HMOX2: variants seen among roughly 807,000 people sequenced by gnomAD.
HMOX2 encodes the protein heme oxygenase (decycling) 2.
HMOX2 carries 30 observed loss-of-function variants against 33.7 expected under a neutral mutation model. The ratio of observed to expected loss-of-function variants is 0.89; its 90% confidence interval spans 0.67 to 1.21. The LOEUF (loss-of-function observed/expected upper bound fraction) is 1.21. Among genes scored for constraint, HMOX2 ranks in the 50% most tolerant of loss-of-function variants. The pLI is 0.00. For missense variants in HMOX2, 403 were observed against 399.1 expected (o/e 1.01, Z -0.08); for synonymous variants, 155 against 155.0 (o/e 1.00, Z 0.00).
At chr16:4,482,550 A>G (rs533869205) in intron 1 of HMOX2, among the ~76,000 whole-genome samples, 1 of 152,164 alleles carries the variant, frequency 6.6e-6, no homozygotes, top group Non-Finnish European at 1.5e-5. Flanking sequence ...CAGTCCCACA[A>G]AACTGTCCCA....
intron 1 of HMOX2, among the ~76,000 whole-genome samples, chr16:4,491,715 C>T (rs1404911567): frequency 6.6e-6 from 1 of 151,716 alleles, no homozygotes; most frequent in South Asian, 2.1e-4. Flanking sequence ...TGTTTATTTT[C>T]TTTCTTTTTT....
upstream of HMOX2, among the ~76,000 whole-genome samples, chr16:4,475,640 G>A (rs149882911): frequency 8.4e-4 from 128 of 151,844 alleles, 1 homozygote; most frequent in African/African-American, 3.1e-3. Context: ...TTTGTGTTCA[G>A]TAAAACTAAA....
chr16:4,491,086 A>C (rs1317046771), intron 1 of HMOX2, among the ~76,000 whole-genome samples: 1 of 152,224 alleles, frequency 6.6e-6, no homozygotes, highest in Non-Finnish European at 1.5e-5. Flanking sequence ...CTTGGGGGAC[A>C]AGTTGGCCCC....
intron 1 of HMOX2, among the ~76,000 whole-genome samples, chr16:4,483,129 A>G (rs1216188436): frequency 6.7e-6 from 1 of 150,348 alleles, no homozygotes; most frequent in Non-Finnish European, 1.5e-5. Flanking sequence ...ACTTTCGTGT[A>G]TTCAGCTATC....
chr16:4,506,101 C>T lies in HMOX2; in HGVS notation c.86+491C>T, dbSNP rs377057077. Reference sequence around the variant, plus strand: ...TTTTTTTTATCCCTTGAAATAATTGCTAATAATAAATTGATTCTCAGCACA... The same window carrying T: ...TTTTTTTTATCCCTTGAAATAATTGTTAATAATAAATTGATTCTCAGCACA... On this transcript the variant is annotated intron_variant, in intron 2 of 5. Transcript: ENST00000570646. Among the ~76,000 whole-genome samples the T allele has an allele frequency of 2.0e-5, 3 of 152,022 alleles. No homozygotes were observed. The East Asian group carries it at 5.8e-4, about 29-fold the overall frequency.
chr16:4,492,439 G>A (rs1416583097), intron 1 of HMOX2, among the ~76,000 whole-genome samples: 1 of 152,152 alleles, frequency 6.6e-6, no homozygotes, highest in Admixed American at 6.5e-5. Flanking sequence ...CTAGATACAG[G>A]CTGGGTGTGG....
chr16:4,478,285 G>C (rs1446437024), intron 1 of HMOX2, among the ~76,000 whole-genome samples: 2 of 152,164 alleles, frequency 1.3e-5, no homozygotes, highest in African/African-American at 4.8e-5. Flanking sequence ...ACCGCCTTTA[G>C]CTCACCCCTC....
intron 1 of HMOX2, among the ~76,000 whole-genome samples, chr16:4,490,814 C>T (rs879371216): frequency 1.3e-5 from 2 of 152,200 alleles, no homozygotes; most frequent in Non-Finnish European, 2.9e-5. Flanking sequence ...GGGTATTAGA[C>T]TCATGTCCTC....
intron 4 of HMOX2, among the ~76,000 whole-genome samples, chr16:4,509,142 C>T (rs1304779633): frequency 6.6e-6 from 1 of 152,142 alleles, no homozygotes; most frequent in African/African-American, 2.4e-5. Flanking sequence ...TACTTGACCC[C>T]AGGAGTTGAA....
chr16:4,499,724 T>C (rs1307553026), intron 1 of HMOX2, among the ~76,000 whole-genome samples: 1 of 152,220 alleles, frequency 6.6e-6, no homozygotes, highest in Non-Finnish European at 1.5e-5. Context: ...GATATGTTAA[T>C]AACCCTGATT....
chr16:4,487,223 A>G (rs2058190825), intron 1 of HMOX2, among the ~76,000 whole-genome samples: 1 of 151,920 alleles, frequency 6.6e-6, no homozygotes, highest in African/African-American at 2.4e-5. Flanking sequence ...GACCCAGTGC[A>G]CTTCAGCTTG....
At chr16:4,489,542 C>T (rs561375596) in intron 1 of HMOX2, among the ~76,000 whole-genome samples, 22 of 152,270 alleles carry the variant, frequency 1.4e-4, no homozygotes, top group African/African-American at 5.1e-4. Context: ...TCACTGCAGC[C>T]GCCACCCCCA....
In HMOX2 at chr16:4,508,130, G is replaced by T. The variant is rs751785391; in HGVS notation, c.622G>T (p.Ala208Ser). 3.1e-6 allele frequency: 5 copies of T among 1,614,026 alleles called. No homozygotes were observed. Among genetic ancestry groups the T allele is most frequent in the Non-Finnish European group, 4.2e-6 (5 of 1,179,956 alleles). The stretch of plus-strand genomic sequence containing the variant: ...GCAGCTCTACCGGGCCAGGATGAAC[G>T]CCCTGGACCTGAACATGAAGACCAA... ...FKQLYRARMN[A>S]LDLNMKTKER... The change falls in exon 4 of 6, where the codon GCC becomes TCC. Residue 208 changes from alanine (A) to serine (S), a missense_variant. Transcript: ENST00000570646.
chr16:4,493,043 T>G (rs2058340970), intron 1 of HMOX2, among the ~76,000 whole-genome samples: 1 of 152,178 alleles, frequency 6.6e-6, no homozygotes, highest in Non-Finnish European at 1.5e-5. Context: ...TCCTCTTTTT[T>G]TGAGACAGAG....
At chr16:4,481,654 C>A (rs1457683690) in intron 1 of HMOX2, 2 of 152,160 alleles carry the variant, frequency 1.3e-5, no homozygotes, top group Non-Finnish European at 2.9e-5. Context: ...CCACCTAACT[C>A]TCTCTCTAGA....
chr16:4,503,146 A>G (rs1231146732), intron 1 of HMOX2, among the ~76,000 whole-genome samples: 3 of 152,040 alleles, frequency 2.0e-5, no homozygotes, highest in Non-Finnish European at 4.4e-5. Context: ...AAAAAAAAAA[A>G]GAAAACATTT....
Position 4,505,572 on chromosome 16 carries a change from A to C in HMOX2, c.48A>C (p.Lys16Asn), listed in dbSNP as rs367862306. The C allele has an allele frequency of 3.7e-6, 6 of 1,605,044 alleles. No homozygotes were observed. The highest frequency in any genetic ancestry group is 5.1e-6 in the Non-Finnish European group (6 of 1,175,260). Reference protein sequence around the residue: ...ETSEGVDESEKKNSGALEKEN... With the variant: ...ETSEGVDESENKNSGALEKEN... ...CAGAGGGGGTAGACGAGTCAGAAAA[A>C]AAGAACTCTGGGGCCCTAGAAAAGG... is the stretch of plus-strand genomic sequence containing the variant. Residue 16 changes from lysine (K) to asparagine (N), a missense_variant, in exon 2 of 6, where the codon AAA becomes AAC. Transcript: ENST00000570646.
rs751785391 is a variant in HMOX2, at chr16:4,508,130, G to A, written c.622G>A (p.Ala208Thr). The A allele has an allele frequency of 4.8e-5, 78 of 1,613,908 alleles. No homozygotes were observed. Among genetic ancestry groups the A allele is most frequent in the Non-Finnish European group, 6.4e-5 (76 of 1,179,964 alleles). ...GCAGCTCTACCGGGCCAGGATGAAC[G>A]CCCTGGACCTGAACATGAAGACCAA... ...FKQLYRARMN[A>T]LDLNMKTKER... The change falls in exon 4 of 6, where the codon GCC (alanine) becomes ACC (threonine). Residue 208 changes from alanine to threonine, a missense_variant. Physicochemically the swap from Ala to Thr is moderately conservative, Grantham distance 58. Coordinates refer to ENST00000570646, the MANE Select transcript of HMOX2 (RefSeq NM_002134.4).
At chr16:4,489,522 C>T (rs1463393254) in intron 1 of HMOX2, among the ~76,000 whole-genome samples, 1 of 152,152 alleles carries the variant, frequency 6.6e-6, no homozygotes, top group African/African-American at 2.4e-5. Flanking sequence ...TGCAGTGGCA[C>T]GGTCTTGGCT....
Sources: gnomAD v4.1 joint callset for allele counts (sites outside exome capture counted in the v4.1 genomes callset) on GRCh38, gnomAD v4.1.1 for gene constraint, MANE v1.5 for transcripts, NCBI Gene and HGNC (gene_info 2026-07-23, HGNC 2026-07-21) for gene names.